EPHA5: variants seen among roughly 807,000 people sequenced by gnomAD.
EPHA5 encodes EPH receptor A5.
In EPHA5, 60 loss-of-function variants were observed where a neutral mutation model predicts 105.0. The ratio of observed to expected loss-of-function variants is 0.57; its 90% CI spans 0.46 to 0.71. EPHA5 has a LOEUF of 0.71. EPHA5 is among the 30% of genes least tolerant of loss of function. The pLI is 0.00. For missense variants in EPHA5, 1,218 were observed against 1,274.7 expected, an observed-to-expected ratio of 0.96 and a Z score of 0.68; for synonymous variants, 513 against 449.1, an observed-to-expected ratio of 1.14 and a Z score of -1.80.
chr4:65,602,484 T>C lies in EPHA5; in HGVS notation c.247-180A>G, dbSNP rs559377685. Among the ~76,000 whole-genome samples, 5 of 152,302 alleles carry C rather than the reference T, an allele frequency of 3.3e-5. No individual in the cohort carries two copies. The South Asian group carries it at 1.0e-3, about 32-fold the overall frequency. ...GGGAGAAGAGAATCACAAATTTTTA[T>C]TGTAATTTTTAAATTAAAAGTAAAT... On this transcript the variant is annotated intron_variant, in intron 2 of 16. Transcript: ENST00000613740.
chr4:65,629,233 T>G (rs561453711), intron 2 of EPHA5, among the ~76,000 whole-genome samples: 75 of 152,342 alleles, frequency 4.9e-4, no homozygotes, highest in African/African-American at 1.7e-3. Flanking sequence ...CAATGTTAGA[T>G]GCAGCACAAG....
chr4:65,510,913 T>C (rs1217325913), intron 3 of EPHA5, among the ~76,000 whole-genome samples: 1 of 152,152 alleles, frequency 6.6e-6, no homozygotes, highest in Non-Finnish European at 1.5e-5. Context: ...GAGGTAAATA[T>C]GATCACATTA....
chr4:65,373,316 G>A (rs1028965764), intron 8 of EPHA5, among the ~76,000 whole-genome samples: 5 of 151,782 alleles, frequency 3.3e-5, no homozygotes, highest in Admixed American at 2.0e-4. Context: ...CTACCACAAA[G>A]CACTTTAAAT....
At chr4:65,513,056 A>G (rs1317823347) in intron 3 of EPHA5, among the ~76,000 whole-genome samples, 1 of 152,134 alleles carries the variant, frequency 6.6e-6, no homozygotes, top group Non-Finnish European at 1.5e-5. Flanking sequence ...TCAAATTATT[A>G]TGTGGTTTGG....
At chr4:65,391,014 G>A (rs1011132879) in intron 8 of EPHA5, among the ~76,000 whole-genome samples, 2 of 151,970 alleles carry the variant, frequency 1.3e-5, no homozygotes. Context: ...ATTGTGGAGG[G>A]GGAAGCAAGG....
At position 65,351,631 on chromosome 4, in the gene EPHA5, A is replaced by G. The variant is rs748808929; in HGVS notation, c.2236-33T>C. 7.5e-6 allele frequency: 12 copies of G among 1,590,040 alleles called. No homozygotes were observed. The South Asian group carries it at 1.3e-4, about 18-fold the overall frequency. On this transcript the variant is annotated intron_variant, in intron 12 of 16. Transcript: ENST00000613740. ...GACAATGTAGAAATATTAGTCTAGC[A>G]ACACCAATCACTGGGGGAAAATATG...
rs2148773479 is a variant in EPHA5 at position 65,323,074 on chromosome 4, A to T, written c.*1040T>A. The stretch of plus-strand genomic sequence containing the variant: ...CTTGACAAGATACTTTTCAGGACTC[A>T]GAAAGGTGAAATTTCTTACAGGGGT... On this transcript the variant is annotated 3_prime_UTR_variant, in exon 17 of 17. Transcript: ENST00000613740. The T allele has an allele frequency of 4.4e-6, 1 of 228,990 alleles. No homozygotes were observed. Among genetic ancestry groups the T allele is most frequent in the East Asian group, 6.2e-5 (1 of 16,198 alleles). The allele number at this position is 228,990 out of a possible 1,614,324, so 14.2% of individuals were successfully genotyped here.
chr4:65,372,493 C>T (rs1022642368), intron 8 of EPHA5, among the ~76,000 whole-genome samples: 2 of 151,872 alleles, frequency 1.3e-5, no homozygotes, highest in African/African-American at 4.8e-5. Flanking sequence ...ATTTATAATA[C>T]CAGAATATTT....
chr4:65,429,210 C>A (rs1340471932), intron 5 of EPHA5, among the ~76,000 whole-genome samples: 1 of 151,912 alleles, frequency 6.6e-6, no homozygotes, highest in Non-Finnish European at 1.5e-5. Flanking sequence ...TAGCGTGGTG[C>A]ATTTGGAAAA....
chr4:65,522,931 T>A (rs879736863), intron 3 of EPHA5, among the ~76,000 whole-genome samples: 3 of 151,926 alleles, frequency 2.0e-5, no homozygotes, highest in Non-Finnish European at 4.4e-5. Flanking sequence ...ACCATGGGAA[T>A]TGAGAATGTT....
At chr4:65,535,718 C>T (rs1243251465) in intron 3 of EPHA5, among the ~76,000 whole-genome samples, 1 of 151,790 alleles carries the variant, frequency 6.6e-6, no homozygotes, top group African/African-American at 2.4e-5. Context: ...AAAAATAGCA[C>T]CATATTATTA....
At chr4:65,549,913 A>G (rs574962318) in intron 3 of EPHA5, among the ~76,000 whole-genome samples, 51 of 152,228 alleles carry the variant, frequency 3.4e-4, no homozygotes, top group Non-Finnish European at 6.0e-4. Flanking sequence ...CTATCTTTGA[A>G]TAGAGATGCT....
intron 3 of EPHA5, among the ~76,000 whole-genome samples, chr4:65,574,709 C>CATATATATACATATATATAT: frequency 1.5e-5 from 1 of 67,784 alleles, no homozygotes; most frequent in East Asian, 4.6e-4. Flanking sequence ...CATATATATA[C>CATATATATACATATATATAT]ATATATATAT....
intron 1 of EPHA5, among the ~76,000 whole-genome samples, chr4:65,659,517 G>A (rs1346287105): frequency 1.4e-4 from 22 of 151,858 alleles, no homozygotes; most frequent in East Asian, 1.9e-4. Flanking sequence ...CTGATCAAGC[G>A]TTTAATGAGA....
chr4:65,451,441 A>G (rs777308441), intron 5 of EPHA5, among the ~76,000 whole-genome samples: 1 of 152,144 alleles, frequency 6.6e-6, no homozygotes, highest in Non-Finnish European at 1.5e-5. Context: ...TGATTATAGT[A>G]GGCTGTAGGT....
intron 3 of EPHA5, among the ~76,000 whole-genome samples, chr4:65,531,731 G>T (rs1041539161): frequency 6.6e-6 from 1 of 151,202 alleles, no homozygotes; most frequent in Admixed American, 6.6e-5. Flanking sequence ...ATCATAAAGA[G>T]GATATACTGA....
intron 8 of EPHA5, among the ~76,000 whole-genome samples, chr4:65,399,809 G>A (rs1034742278): frequency 3.3e-5 from 5 of 151,984 alleles, no homozygotes; most frequent in African/African-American, 1.2e-4. Context: ...TCAGTGATCA[G>A]AAACATAGTA....
At chr4:65,637,426 G>A (rs1747230712) in intron 2 of EPHA5, among the ~76,000 whole-genome samples, 1 of 151,216 alleles carries the variant, frequency 6.6e-6, no homozygotes, top group South Asian at 2.1e-4. Flanking sequence ...CTCAGCTTTG[G>A]ACTATTCAAG....
rs555840585 is a variant in EPHA5, at chr4:65,479,877, A to G, written c.1402+10500T>C. On this transcript the variant is annotated intron_variant, in intron 5 of 16. Transcript: ENST00000613740. ...AATATATTCATAATAATACTTTATG[A>G]AAAACAAACAACATATTAAAATGGT... Among the ~76,000 whole-genome samples the G allele has an allele frequency of 3.6e-4, 55 of 152,324 alleles. 1 individual carries two copies. Among genetic ancestry groups the G allele is most frequent in the Admixed American group, 3.3e-3 (50 of 15,296 alleles).
Sources: gnomAD v4.1 joint callset for allele counts (sites outside exome capture counted in the v4.1 genomes callset) on GRCh38, gnomAD v4.1.1 for gene constraint, MANE v1.5 for transcripts, NCBI Gene and HGNC (gene_info 2026-07-23, HGNC 2026-07-21) for gene names.